The following FMN2 variants were observed in gnomAD, a reference collection of about 807,000 sequenced individuals.
FMN2 encodes formin-2.
A neutral mutation model predicts 142.3 loss-of-function variants in FMN2; 51 were observed. The ratio of observed to expected loss-of-function variants is 0.36; its 90% CI spans 0.29 to 0.45. FMN2 has a LOEUF of 0.45. Ranked by LOEUF, FMN2 falls within the 20% of genes least tolerant of loss-of-function variation. The pLI is 1.00. For missense variants in FMN2, 1,936 were observed against 2,122.8 expected (o/e 0.91, Z 1.73); for synonymous variants, 882 against 869.8 (o/e 1.01, Z -0.25).
rs1203513804 is a variant in FMN2 at position 240,314,216 on chromosome 1, A to G, written c.4216-14860A>G. Among the ~76,000 whole-genome samples the G allele has an allele frequency of 2.0e-5, 3 of 152,282 alleles. No individual in the cohort carries two copies. In the East Asian group the frequency reaches 5.8e-4, roughly 29 times the overall value. ...TTTAACAGAAAACACATCATAAGGC[A>G]CTTTAAGTACCAACCTTAAAAAAGG... On this transcript the variant is annotated intron_variant, in intron 8 of 17. Transcript: ENST00000319653.
chr1:240,427,762 G>A (rs1675010065), intron 15 of FMN2, among the ~76,000 whole-genome samples: 1 of 152,036 alleles, frequency 6.6e-6, no homozygotes, highest in South Asian at 2.1e-4. Flanking sequence ...TAGGTAGTTA[G>A]CTCTAGATAC....
intron 15 of FMN2, among the ~76,000 whole-genome samples, chr1:240,436,016 G>C (rs73128300): frequency 0.11 from 16,135 of 152,124 alleles, 2,030 homozygotes; most frequent in African/African-American, 0.31. Flanking sequence ...CCAGTTTTCC[G>C]AGAAGGCATG....
At chr1:240,456,973 A>T (rs1456252236) in intron 16 of FMN2, among the ~76,000 whole-genome samples, 1 of 152,008 alleles carries the variant, frequency 6.6e-6, no homozygotes, top group East Asian at 1.9e-4. Flanking sequence ...CCTGACATAA[A>T]CCCTTTGTCC....
At chr1:240,183,559 A>G (rs960171596) in intron 3 of FMN2, among the ~76,000 whole-genome samples, 1 of 150,910 alleles carries the variant, frequency 6.6e-6, no homozygotes, top group Non-Finnish European at 1.5e-5. Flanking sequence ...ATACATGTAT[A>G]TATACACACA....
intron 4 of FMN2, among the ~76,000 whole-genome samples, chr1:240,204,641 C>T (rs1311126588): frequency 2.6e-5 from 4 of 152,156 alleles, no homozygotes; most frequent in South Asian, 4.1e-4. Context: ...GCCCCAGCTA[C>T]GCAGGAGGCT....
At chr1:240,368,674 T>C (rs1672762059) in intron 14 of FMN2, among the ~76,000 whole-genome samples, 1 of 151,816 alleles carries the variant, frequency 6.6e-6, no homozygotes, top group African/African-American at 2.4e-5. Context: ...TTCTTCCTTT[T>C]TTCTGGTCAT....
chr1:240,471,936 C>T (rs763876853), intron 16 of FMN2: 29 of 156,138 alleles, frequency 1.9e-4, no homozygotes, highest in Non-Finnish European at 3.4e-4. Context: ...TGAGCTACTC[C>T]GCCCTGGCTG....
chr1:240,268,147 A>G (rs186305113), intron 7 of FMN2, among the ~76,000 whole-genome samples: 143 of 152,166 alleles, frequency 9.4e-4, no homozygotes, highest in African/African-American at 3.4e-3. Context: ...TATATATCTA[A>G]AAGGAACTGT....
intron 7 of FMN2, among the ~76,000 whole-genome samples, chr1:240,285,890 AT>A (rs912150555): frequency 3.3e-5 from 5 of 150,662 alleles, no homozygotes; most frequent in African/African-American, 1.2e-4. Context: ...TTACTGCTTT[AT>A]TTTTTTTTCC....
Position 240,473,869 on chromosome 1 carries a change from A to T in FMN2, c.5143-259A>T, listed in dbSNP as rs1178135886. Among the ~76,000 whole-genome samples the T allele has an allele frequency of 6.6e-6, 1 of 151,978 alleles. No homozygotes were observed. The highest frequency in any genetic ancestry group is 2.4e-5 in the African/African-American group (1 of 41,392). On this transcript the variant is annotated intron_variant, in intron 17 of 17. Coordinates refer to ENST00000319653, the MANE Select transcript of FMN2 (RefSeq NM_020066.5). The surrounding 1 kb of genome is among the most constrained non-coding windows in gnomAD (Gnocchi z 4.3). ...TGAGGATGAGAATGGAGAGTTTGAC[A>T]CCCTCTCATATTGGTTAGAAGTTAA...
intron 4 of FMN2, among the ~76,000 whole-genome samples, chr1:240,198,049 A>G (rs969914583): frequency 6.6e-6 from 1 of 152,246 alleles, no homozygotes; most frequent in Non-Finnish European, 1.5e-5. Context: ...GGAGGCGATT[A>G]GGAGGTAAAA....
intron 14 of FMN2, among the ~76,000 whole-genome samples, chr1:240,368,613 A>T (rs1672759128): frequency 6.6e-6 from 1 of 152,188 alleles, no homozygotes; most frequent in Non-Finnish European, 1.5e-5. Context: ...ATCACTGCGA[A>T]TAATGACAGT....
At chr1:240,184,094 A>T (rs1180541223) in intron 3 of FMN2, among the ~76,000 whole-genome samples, 1 of 151,984 alleles carries the variant, frequency 6.6e-6, no homozygotes, top group Non-Finnish European at 1.5e-5. Flanking sequence ...AGCTCATCCA[A>T]GTATGTTTTG....
intron 16 of FMN2, among the ~76,000 whole-genome samples, chr1:240,456,225 C>A (rs2103220014): frequency 6.6e-6 from 1 of 152,158 alleles, no homozygotes; most frequent in Admixed American, 6.5e-5. Flanking sequence ...GACCCAAAAA[C>A]CTCAGAAACT....
intron 2 of FMN2, among the ~76,000 whole-genome samples, chr1:240,151,607 T>G (rs150319004): frequency 6.6e-6 from 1 of 152,126 alleles, no homozygotes; most frequent in South Asian, 2.1e-4. Flanking sequence ...ACAGTATTTC[T>G]TTTTGCTTAA....
intron 14 of FMN2, among the ~76,000 whole-genome samples, chr1:240,378,361 G>A (rs1673116209): frequency 1.3e-5 from 2 of 152,114 alleles, no homozygotes; most frequent in South Asian, 4.1e-4. Flanking sequence ...ATGTTGGCCA[G>A]GCTGGTCTTG....
At chr1:240,169,979 C>A (rs1467578924) in intron 2 of FMN2, among the ~76,000 whole-genome samples, 1 of 152,160 alleles carries the variant, frequency 6.6e-6, no homozygotes, top group Non-Finnish European at 1.5e-5. Flanking sequence ...TGAGCTGGGG[C>A]AGTGCTGATA....
rs115824925 is a variant in FMN2 at position 240,182,878 on chromosome 1, C to A, written c.1930+4810C>A. Reference sequence around the variant, plus strand: ...CTAATGGTTCCTAAGAGAAGAAATTCTGTGCCGTGCAATGTCAATACAACT... The same window carrying A: ...CTAATGGTTCCTAAGAGAAGAAATTATGTGCCGTGCAATGTCAATACAACT... On this transcript the variant is annotated intron_variant, in intron 3 of 17. Coordinates refer to ENST00000319653, the MANE Select transcript of FMN2 (RefSeq NM_020066.5). 6.0e-3 allele frequency among the ~76,000 whole-genome samples: 912 copies of A among 151,736 alleles called. 15 individuals carry two copies. The highest frequency in any genetic ancestry group is 0.021 in the African/African-American group (874 of 41,406).
chr1:240,350,336 T>A (rs542895610), intron 13 of FMN2, among the ~76,000 whole-genome samples: 5 of 152,328 alleles, frequency 3.3e-5, no homozygotes, highest in Admixed American at 6.5e-5. Context: ...CACTGGAGAC[T>A]TAATATCCCT....
Sources: gnomAD v4.1 joint callset for allele counts (sites outside exome capture counted in the v4.1 genomes callset) on GRCh38, gnomAD v4.1.1 for gene constraint, Gnocchi (gnomAD v3.1) non-coding constraint, MANE v1.5 for transcripts, NCBI Gene and HGNC (gene_info 2026-07-23, HGNC 2026-07-21) for gene names.